TRPC5OS: variants seen among roughly 807,000 people sequenced by gnomAD.
TRPC5OS encodes the protein TRPC5 opposite strand.
For synonymous variants in TRPC5OS, 30 were observed against 29.3 expected (o/e 1.02, Z -0.08); for missense variants, 64 against 79.3 (o/e 0.81, Z 0.73).
chrX:111,876,308 G>A (rs1292939636), intron 1 of TRPC5OS, 35 bp downstream of exon 1: 1 of 111,355 alleles, frequency 9.0e-6, no homozygotes, highest in African/African-American at 3.3e-5. Flanking sequence ...CCACTTGCAA[G>A]TCTATGAGAG....
chrX:111,900,925 T>A (rs1925311079), intron 3 of TRPC5OS, among the ~76,000 whole-genome samples: 1 of 111,278 alleles, frequency 9.0e-6, no homozygotes, highest in Non-Finnish European at 1.9e-5. Context: ...TACACAAATA[T>A]ATACTTACTC....
intron 1 of TRPC5OS, among the ~76,000 whole-genome samples, chrX:111,886,878 G>T (rs936445014): frequency 8.9e-6 from 1 of 112,793 alleles, no homozygotes. Flanking sequence ...ATGTTATCCT[G>T]AGGACAAAAT....
intron 1 of TRPC5OS, among the ~76,000 whole-genome samples, chrX:111,886,524 A>G (rs1039461607): frequency 9.0e-6 from 1 of 111,170 alleles, no homozygotes; most frequent in South Asian, 3.8e-4. Context: ...ATATTTGTTG[A>G]GCCTTGCAGC....
At chrX:111,888,494 G>A in intron 1 of TRPC5OS, among the ~76,000 whole-genome samples, 1 of 93,418 alleles carries the variant, frequency 1.1e-5, no homozygotes, top group Admixed American at 1.2e-4. Context: ...CCAACATGGT[G>A]AAACCCCGTC....
intron 1 of TRPC5OS, among the ~76,000 whole-genome samples, chrX:111,886,474 G>C (rs1167561838): frequency 9.0e-6 from 1 of 110,959 alleles, no homozygotes; most frequent in African/African-American, 3.3e-5. Flanking sequence ...TTCAGCCTGA[G>C]GTTTATTTAT....
chrX:111,900,415 A>G (rs1925283019), intron 3 of TRPC5OS, among the ~76,000 whole-genome samples: 1 of 112,252 alleles, frequency 8.9e-6, no homozygotes. Flanking sequence ...ATATAGCTAC[A>G]CTGATCAGCC....
At chrX:111,900,895 T>C (rs901868960) in intron 3 of TRPC5OS, among the ~76,000 whole-genome samples, 2 of 111,654 alleles carry the variant, frequency 1.8e-5, no homozygotes, top group Non-Finnish European at 3.8e-5. Flanking sequence ...ATCTAGATTT[T>C]CAAACAAATA....
chrX:111,895,056 T>C (rs1194591444), intron 1 of TRPC5OS, among the ~76,000 whole-genome samples: 3 of 111,933 alleles, frequency 2.7e-5, no homozygotes, highest in African/African-American at 9.7e-5. Context: ...TACTTAGGAG[T>C]AGCATTCCAG....
chrX:111,891,622 C>T (rs1443541396), intron 1 of TRPC5OS, among the ~76,000 whole-genome samples: 1 of 111,623 alleles, frequency 9.0e-6, no homozygotes, highest in Non-Finnish European at 1.9e-5. Flanking sequence ...CTCACTGCAA[C>T]CTCCGCCTCC....
intron 1 of TRPC5OS, among the ~76,000 whole-genome samples, chrX:111,889,366 A>T (rs951159819): frequency 1.8e-5 from 2 of 112,421 alleles, no homozygotes; most frequent in African/African-American, 6.5e-5. Context: ...TATCAGTCAT[A>T]AGAGATGAGA....
chrX:111,882,840 C>T (rs1012716697), intron 1 of TRPC5OS, among the ~76,000 whole-genome samples: 2 of 112,110 alleles, frequency 1.8e-5, no homozygotes, highest in Non-Finnish European at 3.8e-5. Flanking sequence ...AATCCCAGCA[C>T]TTTGGGAGGC....
intron 3 of TRPC5OS, among the ~76,000 whole-genome samples, chrX:111,899,784 C>G (rs1210522947): frequency 1.8e-5 from 2 of 111,460 alleles, no homozygotes; most frequent in African/African-American, 6.5e-5. Flanking sequence ...TGCCAAATTC[C>G]TTTCCTTGAT....
intron 3 of TRPC5OS, among the ~76,000 whole-genome samples, chrX:111,900,779 G>T (rs146755254): frequency 0.015 from 1,642 of 111,690 alleles, 24 homozygotes; most frequent in African/African-American, 0.051. Context: ...AAATATGAGT[G>T]ATATCAAAAT....
intron 3 of TRPC5OS, among the ~76,000 whole-genome samples, chrX:111,897,277 A>G (rs912200258): frequency 8.9e-6 from 1 of 111,737 alleles, no homozygotes; most frequent in African/African-American, 3.2e-5. Context: ...TTGACACACA[A>G]TAGGTCTCCC....
At chrX:111,883,085 CAAAAA>C (rs59699981) in intron 1 of TRPC5OS, among the ~76,000 whole-genome samples, 1 of 45,188 alleles carries the variant, frequency 2.2e-5, no homozygotes, top group Non-Finnish European at 4.7e-5. Flanking sequence ...GACTCTGTCT[CAAAAA>C]AAAAAAAAAA....
chrX:111,879,316 A>G (rs1924096169), intron 1 of TRPC5OS, among the ~76,000 whole-genome samples: 1 of 112,089 alleles, frequency 8.9e-6, no homozygotes, highest in African/African-American at 3.2e-5. Flanking sequence ...TGAACTTGAA[A>G]TGTCTTCCTG....
chrX:111,893,319 G>T (rs1304845994), intron 1 of TRPC5OS, among the ~76,000 whole-genome samples: 1 of 110,983 alleles, frequency 9.0e-6, no homozygotes, highest in Non-Finnish European at 1.9e-5. Context: ...AATCTTTCTA[G>T]AAGTATTACA....
chrX:111,877,239 T>A (rs1408658513), intron 1 of TRPC5OS, among the ~76,000 whole-genome samples: 1 of 111,653 alleles, frequency 9.0e-6, no homozygotes, highest in East Asian at 2.8e-4. Flanking sequence ...GAGATAAAAT[T>A]GACAATATCT....
chrX:111,895,994 C>A lies in TRPC5OS; in HGVS notation c.-502C>A, dbSNP rs1056616552. On this transcript the variant is annotated 5_prime_UTR_variant, in exon 2 of 4. Coordinates refer to ENST00000635763, the MANE Select transcript of TRPC5OS (RefSeq NM_001195578.2). ...GACCGGTGGCCTGTTTGGGGCAGTT[C>A]CCCTCTAGAGGGAGAATTTGTCTCT... is the stretch of plus-strand genomic sequence containing the variant. 9.0e-6 allele frequency: 1 copy of A among 110,737 alleles called. No individual in the cohort carries two copies. Among genetic ancestry groups the A allele is most frequent in the Admixed American group, 9.6e-5 (1 of 10,392 alleles). The allele number at this position is 110,737 out of a possible 1,213,427, so 9.1% of individuals were successfully genotyped here.
Sources: allele counts gnomAD v4.1 joint callset (sites outside exome capture counted in the v4.1 genomes callset), GRCh38; gene constraint gnomAD v4.1.1; transcripts MANE v1.5; gene names NCBI Gene and HGNC (gene_info 2026-07-23, HGNC 2026-07-21).